The following RNF144A variants were observed in gnomAD, a reference collection of about 807,000 sequenced individuals.
RNF144A encodes the protein E3 ubiquitin-protein ligase RNF144A.
Under a neutral mutation model 38.7 loss-of-function variants are expected in RNF144A, and 11 were observed. The observed-to-expected ratio is 0.28, with a 90% CI of 0.18 to 0.47. The LOEUF is 0.47. Ranked by LOEUF, RNF144A falls within the 20% of genes least tolerant of loss-of-function variation. The pLI, the probability that RNF144A is intolerant of heterozygous loss-of-function variation, is 0.99. For synonymous variants in RNF144A, 149 were observed against 143.9 expected (o/e 1.04, Z -0.25); for missense variants, 316 against 377.2 (o/e 0.84, Z 1.34).
chr2:7,035,798 C>T (rs914911504), intron 8 of RNF144A, among the ~76,000 whole-genome samples: 3 of 152,088 alleles, frequency 2.0e-5, no homozygotes, highest in East Asian at 3.8e-4. Flanking sequence ...TTATTTTTTA[C>T]GGGAGCAGAG....
intron 6 of RNF144A, among the ~76,000 whole-genome samples, chr2:7,061,479 ATGT>A (rs923980159): frequency 3.9e-5 from 6 of 152,192 alleles, no homozygotes; most frequent in African/African-American, 1.4e-4. Flanking sequence ...AAGGGTGATG[ATGT>A]TTTTTTTAAT....
At chr2:7,014,319 G>T (rs1459152822) in intron 3 of RNF144A, 135 bp from the exon 4 acceptor site, 4 of 679,020 alleles carry the variant, frequency 5.9e-6, no homozygotes, top group Non-Finnish European at 7.8e-6. Flanking sequence ...AAATGTGTTG[G>T]TTGCTGTGGA....
chr2:6,993,866 T>C (rs1669553174), intron 2 of RNF144A, among the ~76,000 whole-genome samples: 1 of 152,172 alleles, frequency 6.6e-6, no homozygotes, highest in Admixed American at 6.5e-5. Flanking sequence ...TGACTTCTAC[T>C]TACCAAGCTC....
intron 2 of RNF144A, among the ~76,000 whole-genome samples, chr2:6,954,302 C>T (rs1206168596): frequency 6.6e-6 from 1 of 151,380 alleles, no homozygotes; most frequent in Non-Finnish European, 1.5e-5. Context: ...GGAAGTTATA[C>T]ATTCTGTTTC....
intron 8 of RNF144A, among the ~76,000 whole-genome samples, chr2:7,031,032 C>T (rs142682959): frequency 0.013 from 2,029 of 152,140 alleles, 48 homozygotes; most frequent in African/African-American, 0.047. Flanking sequence ...GGGGCTCAGG[C>T]GGTAACGTGA....
intron 2 of RNF144A, among the ~76,000 whole-genome samples, chr2:6,983,603 G>A (rs1668772262): frequency 6.6e-6 from 1 of 152,028 alleles, no homozygotes; most frequent in Non-Finnish European, 1.5e-5. Flanking sequence ...CATTACTTTG[G>A]TCCTGACCTC....
chr2:6,948,604 C>T (rs1311741646), intron 2 of RNF144A, among the ~76,000 whole-genome samples: 3 of 152,180 alleles, frequency 2.0e-5, no homozygotes, highest in Non-Finnish European at 4.4e-5. Flanking sequence ...TCTCACATTA[C>T]CTTTCTGCCT....
chr2:6,938,637 A>C (rs777065569), intron 1 of RNF144A, among the ~76,000 whole-genome samples: 2 of 152,194 alleles, frequency 1.3e-5, no homozygotes, highest in Non-Finnish European at 2.9e-5. Context: ...TGTGGTTTTT[A>C]GTATAGTCAC....
chr2:7,059,877 A>T (rs150308591), intron 6 of RNF144A, among the ~76,000 whole-genome samples: 1 of 152,332 alleles, frequency 6.6e-6, no homozygotes, highest in African/African-American at 2.4e-5. Context: ...CTTAAAATTT[A>T]ATTTTCTTCT....
At chr2:6,990,562 TACACACACAAACACACACACACAC>T (rs1243102359) in intron 2 of RNF144A, among the ~76,000 whole-genome samples, 741 of 34,946 alleles carry the variant, frequency 0.021, 14 homozygotes, top group African/African-American at 0.058. Context: ...GAGAGATTGC[TACACACACAAACACACACACACAC>T]ACACACACAC....
At chr2:6,947,992 A>G (rs1375721595) in intron 2 of RNF144A, among the ~76,000 whole-genome samples, 4 of 152,236 alleles carry the variant, frequency 2.6e-5, no homozygotes, top group Non-Finnish European at 4.4e-5. Context: ...GCTAAGAACT[A>G]AAAGCACACA....
Position 7,014,711 on chromosome 2 carries a change from G to A in RNF144A, c.241-1G>A. 6.2e-7 allele frequency: 1 copy of A among 1,610,966 alleles called. No homozygotes were observed. Among genetic ancestry groups the A allele is most frequent in the South Asian group, 1.1e-5 (1 of 90,930 alleles). The stretch of plus-strand genomic sequence containing the variant: ...CCTGTTTGCATTTTTTTTTCCCTTA[G>A]ATTGAGTGCATGGTTGCAGCTGAAA... On this transcript the variant is annotated splice_acceptor_variant, in intron 4 of 8. Coordinates refer to ENST00000320892, the MANE Select transcript of RNF144A (RefSeq NM_014746.6). LOFTEE classifies it high-confidence loss of function.
chr2:6,969,311 G>A (rs1338052161), intron 2 of RNF144A, among the ~76,000 whole-genome samples: 2 of 152,110 alleles, frequency 1.3e-5, no homozygotes, highest in African/African-American at 2.4e-5. Flanking sequence ...CATTGAGGTA[G>A]GCCCTAACCC....
At chr2:7,010,217 T>A (rs1161260899) in intron 3 of RNF144A, among the ~76,000 whole-genome samples, 1 of 152,084 alleles carries the variant, frequency 6.6e-6, no homozygotes, top group Admixed American at 6.5e-5. Flanking sequence ...GCCAAGCTTA[T>A]CCCACAGTAT....
downstream of RNF144A, among the ~76,000 whole-genome samples, chr2:7,047,579 C>G (rs951864548): frequency 6.6e-6 from 1 of 152,150 alleles, no homozygotes; most frequent in Non-Finnish European, 1.5e-5. Flanking sequence ...CTCGGGGTCC[C>G]TCTCACAACA....
chr2:6,944,694 A>G lies in RNF144A; in HGVS notation c.-12+3547A>G, dbSNP rs1015632926. On this transcript the variant is annotated intron_variant, in intron 2 of 8. Coordinates refer to ENST00000320892, the MANE Select transcript of RNF144A (RefSeq NM_014746.6). This position sits in a 1 kb window ranked among gnomAD's most constrained non-coding sequence, Gnocchi z 4.7. ...TCAGGTGTGAGGGAGACATTAAAGA[A>G]CCCTGGAGAAAACACATCACGAGGC... Among the ~76,000 whole-genome samples the G allele has an allele frequency of 1.3e-5, 2 of 151,916 alleles. No homozygotes were observed. Among genetic ancestry groups the G allele is most frequent in the African/African-American group, 4.8e-5 (2 of 41,328 alleles).
chr2:6,980,922 C>T (rs550547774), intron 2 of RNF144A, among the ~76,000 whole-genome samples: 1 of 152,338 alleles, frequency 6.6e-6, no homozygotes, highest in African/African-American at 2.4e-5. Flanking sequence ...TTAACTCTTG[C>T]CTTATGCGCA....
At chr2:6,998,347 G>T (rs967780670) in intron 3 of RNF144A, among the ~76,000 whole-genome samples, 1 of 152,122 alleles carries the variant, frequency 6.6e-6, no homozygotes, top group East Asian at 1.9e-4. Flanking sequence ...TATTTCATTT[G>T]CACCTCATGA....
At chr2:7,053,042 G>A (rs573405352) in intron 6 of RNF144A, among the ~76,000 whole-genome samples, 1 of 152,288 alleles carries the variant, frequency 6.6e-6, no homozygotes, top group East Asian at 1.9e-4. Context: ...AGTTCTTAGT[G>A]AAATTGTGAA....
Sources: allele counts gnomAD v4.1 joint callset (sites outside exome capture counted in the v4.1 genomes callset), GRCh38; gene constraint gnomAD v4.1.1; non-coding constraint Gnocchi (gnomAD v3.1); transcripts MANE v1.5; gene names NCBI Gene and HGNC (gene_info 2026-07-23, HGNC 2026-07-21).